BHLHE40: variants seen among roughly 807,000 people sequenced by gnomAD.
The protein encoded by BHLHE40 is basic helix-loop-helix family member e40.
Under a neutral mutation model 35.7 loss-of-function variants are expected in BHLHE40, and 3 were observed. The observed-to-expected ratio is 0.08, with a 90% confidence interval of 0.04 to 0.22. The LOEUF is 0.22. Among genes scored for constraint, BHLHE40 ranks in the 10% least tolerant of loss-of-function variants. BHLHE40 has a pLI of 1.00. For synonymous variants in BHLHE40, 236 were observed against 213.0 expected, an observed-to-expected ratio of 1.11 and a Z score of -0.94; for missense variants, 486 against 524.0, an observed-to-expected ratio of 0.93 and a Z score of 0.71.
chr3:4,982,861 A>C lies in BHLHE40; in HGVS notation c.408A>C (p.Glu136Asp). ...GTGAGCTGTCAGGGAGAAATGTCGAAACAGGTCAAGAGATGTTCTGCTCAG... is the reference window on the plus strand; with the variant it reads ...GTGAGCTGTCAGGGAGAAATGTCGACACAGGTCAAGAGATGTTCTGCTCAG... ...QAGELSGRNV[E>D]TGQEMFCSGF... Residue 136 changes from glutamate (E) to aspartate (D), a missense_variant, in exon 5 of 5, where the codon GAA (glutamate) becomes GAC (aspartate). Glu to Asp is a conservative substitution (Grantham distance 45). Around this residue, in one of 5 missense-constraint regions of BHLHE40, gnomAD observed 176 missense variants for 180.5 expected, o/e 0.98. Coordinates refer to ENST00000256495, the MANE Select transcript of BHLHE40 (RefSeq NM_003670.3). The C allele has an allele frequency of 6.2e-7, 1 of 1,614,152 alleles. No homozygotes were observed. Among genetic ancestry groups the C allele is most frequent in the Non-Finnish European group, 8.5e-7 (1 of 1,180,030 alleles).
At chr3:4,980,887 T>A (rs1418138998) in intron 3 of BHLHE40, among the ~76,000 whole-genome samples, 12 of 142,616 alleles carry the variant, frequency 8.4e-5, no homozygotes, top group African/African-American at 1.6e-4. Context: ...AAAAAAAAAA[T>A]AGTATTTCGG....
chr3:4,983,267 G>A lies in BHLHE40; in HGVS notation c.814G>A (p.Gly272Arg). The stretch of plus-strand genomic sequence containing the variant: ...TGACCACGGACGCAGGTTCACGATG[G>A]GAGAAAGGATCGGCGCAATTAAGCA... ...KSDHGRRFTM[G>R]ERIGAIKQES... is the part of the protein sequence containing the mutation. Residue 272 changes from glycine to arginine, a missense_variant, in exon 5 of 5, where the codon GGA becomes AGA. Physicochemically the swap from Gly to Arg is moderately radical, Grantham distance 125. Coordinates refer to ENST00000256495, the MANE Select transcript of BHLHE40 (RefSeq NM_003670.3). This position sits in a 1 kb window ranked among gnomAD's most constrained non-coding sequence, Gnocchi z 5.0. The A allele has an allele frequency of 1.9e-6, 3 of 1,614,186 alleles. No homozygotes were observed. Among genetic ancestry groups the A allele is most frequent in the Non-Finnish European group, 2.5e-6 (3 of 1,180,040 alleles).
At position 4,983,596 on chromosome 3, in the gene BHLHE40, C is replaced by G. The variant is rs2053221020; in HGVS notation, c.1143C>G (p.Leu381=). The change falls in exon 5 of 5, where the codon CTC becomes CTG. Residue 381 remains leucine, a synonymous_variant. Coordinates refer to ENST00000256495, the MANE Select transcript of BHLHE40 (RefSeq NM_003670.3). The surrounding 1 kb of genome is among the most constrained non-coding windows in gnomAD (Gnocchi z 5.0). Reference sequence around the variant, plus strand: ...CTCCCTTGCTCATGCCCCAGAGACTCCCTTCTCCCTTGCCAGCTCATCCGT... The same window carrying G: ...CTCCCTTGCTCATGCCCCAGAGACTGCCTTCTCCCTTGCCAGCTCATCCGT... The part of the protein sequence containing the change: ...ISAPLLMPQR[L]PSPLPAHPSV... 1 of 1,614,224 alleles carries G rather than the reference C, an allele frequency of 6.2e-7. No homozygotes were observed.
chr3:4,981,379 CT>C lies in BHLHE40; in HGVS notation c.259-9del. ...TCTGACCTCACCGCTGACTAAGGCT[CT>C]TTTCCTTCCAGACTTTGGGTCACTT... On this transcript the variant is annotated splice_polypyrimidine_tract_variant and intron_variant, in intron 3 of 4. Coordinates refer to ENST00000256495, the MANE Select transcript of BHLHE40 (RefSeq NM_003670.3). 1 of 1,613,458 alleles carries C rather than the reference CT, an allele frequency of 6.2e-7. No individual in the cohort carries two copies. Among genetic ancestry groups the C allele is most frequent in the East Asian group, 2.2e-5 (1 of 44,836 alleles).
In BHLHE40 at chr3:4,983,829, G is replaced by GGGGTGT. The variant is rs139879256; in HGVS notation, c.*138_*139insGGTGTG. Reference sequence around the variant, plus strand: ...TCTGAGGCATGGAGAGCAGATTCAGGGTGTGTGTGTGTGTGTGTGTGTGTG... The same window carrying GGGGTGT: ...TCTGAGGCATGGAGAGCAGATTCAGGGGGTGTGTGTGTGTGTGTGTGTGTGTGTGTG... On this transcript the variant is annotated 3_prime_UTR_variant, in exon 5 of 5. Transcript: ENST00000256495. The surrounding 1 kb of genome is among the most constrained non-coding windows in gnomAD (Gnocchi z 5.0). The GGGGTGT allele has an allele frequency of 2.1e-4, 150 of 698,688 alleles. No homozygotes were observed. Among genetic ancestry groups the GGGGTGT allele is most frequent in the Middle Eastern group, 3.9e-4 (1 of 2,572 alleles). 43.3% of individuals were successfully genotyped at this position (698,688 alleles called of 1,614,324 possible). A position where few individuals can be genotyped will look rare whatever the true frequency, so the allele number is the denominator to read the frequency against.
At chr3:4,981,291 T>C in intron 3 of BHLHE40, 101 bp from the exon 4 acceptor site, 1 of 1,438,692 alleles carries the variant, frequency 7.0e-7, no homozygotes, top group South Asian at 1.3e-5. Flanking sequence ...GGAAACACTA[T>C]TCCACTTTTT....
intron 4 of BHLHE40, 107 bp from the exon 5 acceptor site, chr3:4,982,729 C>T: frequency 2.5e-6 from 2 of 797,844 alleles, no homozygotes; most frequent in Admixed American, 3.0e-5. Flanking sequence ...TCAGTAAATG[C>T]ATTTTTTTTT....
intron 2 of BHLHE40, 103 bp downstream of exon 2, chr3:4,980,134 G>A: frequency 7.9e-7 from 1 of 1,271,214 alleles, no homozygotes; most frequent in Non-Finnish European, 1.1e-6. Context: ...GATGCAGGGT[G>A]TGGGCTCGGT....
At chr3:4,980,148 T>C in intron 2 of BHLHE40, 117 bp downstream of exon 2, 1 of 1,196,744 alleles carries the variant, frequency 8.4e-7, no homozygotes, top group Non-Finnish European at 1.2e-6. Context: ...GCTCGGTGCC[T>C]CTTCTGAGTG....
In BHLHE40 at chr3:4,981,304, T is replaced by C. The variant is rs182725471; in HGVS notation, c.259-88T>C. On this transcript the variant is annotated intron_variant, in intron 3 of 4. Transcript: ENST00000256495. ...CAGGAAACACTATTCCACTTTTTTT[T>C]TTCTTTTCTCATTTCTCATTGCTAA... The C allele has an allele frequency of 4.3e-4, 651 of 1,506,622 alleles. 5 individuals are homozygous for C. The African/African-American group carries it at 8.3e-3, about 19-fold the overall frequency. The allele number at this position is 1,506,622 out of a possible 1,614,324, so 93.3% of individuals were successfully genotyped here.
intron 1 of BHLHE40, 81 bp from the exon 2 acceptor site, chr3:4,979,881 G>T (rs1431866055): frequency 1.9e-6 from 3 of 1,606,300 alleles, no homozygotes; most frequent in African/African-American, 1.3e-5. Context: ...AGCTCCGGGC[G>T]CACCGGGAGG....
intron 3 of BHLHE40, among the ~76,000 whole-genome samples, chr3:4,981,179 TATATATACAC>T (rs2053191860): frequency 9.2e-5 from 1 of 10,882 alleles, no homozygotes; most frequent in Admixed American, 1.3e-3. Flanking sequence ...ATATATTATA[TATATATACAC>T]ACACACACAC....
chr3:4,979,778 G>A lies in BHLHE40; in HGVS notation c.60G>A (p.Leu20=). 6.3e-7 allele frequency: 1 copy of A among 1,590,018 alleles called. No individual in the cohort carries two copies. The highest frequency in any genetic ancestry group is 8.6e-7 in the Non-Finnish European group (1 of 1,168,168). Residue 20 remains leucine (L), a synonymous_variant, in exon 1 of 5, where the codon CTG becomes CTA. Transcript: ENST00000256495. ...PPACLPKAPG[L]EHGDLPGMYP... is the part of the protein sequence containing the mutation. ...CCTGCCTGCCCAAAGCACCGGGACT[G>A]GAGCACGGAGACCTACCAGGGTAAG...
At chr3:4,979,825 A>G (rs1018013868) in intron 1 of BHLHE40, 27 bp downstream of exon 1, 3 of 1,590,608 alleles carry the variant, frequency 1.9e-6, no homozygotes, top group South Asian at 1.1e-5. Context: ...TGGCCCTTCA[A>G]GCCTCAACTG....
intron 2 of BHLHE40, 120 bp downstream of exon 2, chr3:4,980,151 T>G: frequency 1.7e-6 from 2 of 1,180,412 alleles, no homozygotes; most frequent in East Asian, 4.8e-5. Flanking sequence ...CGGTGCCTCT[T>G]CTGAGTGACT....
Position 4,980,018 on chromosome 3 carries a change from G to T in BHLHE40, c.137G>T (p.Ser46Ile), listed in dbSNP as rs1439729943. 6.2e-7 allele frequency: 1 copy of T among 1,614,164 alleles called. No individual in the cohort carries two copies. Among genetic ancestry groups the T allele is most frequent in the Non-Finnish European group, 8.5e-7 (1 of 1,180,022 alleles). Residue 46 changes from serine to isoleucine, a missense_variant, in exon 2 of 5, where the codon AGC (serine) becomes ATC (isoleucine). Ser to Ile is a moderately radical substitution (Grantham distance 142, BLOSUM62 -2). Coordinates refer to ENST00000256495, the MANE Select transcript of BHLHE40 (RefSeq NM_003670.3). ...AAGTCAAGACGGGGAATAAAGCGGA[G>T]CGAGGACAGCAAGGTAAGCAAGTGC... ...VYKSRRGIKR[S>I]EDSKETYKLP...
At position 4,985,034 on chromosome 3, in the gene BHLHE40, T is replaced by C. The variant is rs1359137610; in HGVS notation, c.*1342T>C. 6.6e-6 allele frequency: 1 copy of C among 150,966 alleles called. No homozygotes were observed. Among genetic ancestry groups the C allele is most frequent in the African/African-American group, 2.4e-5 (1 of 41,048 alleles). 9.4% of individuals were successfully genotyped at this position (150,966 alleles called of 1,614,324 possible). On this transcript the variant is annotated 3_prime_UTR_variant, in exon 5 of 5. Transcript: ENST00000256495. ...TTCCTGTTTTTGAAGAGAAGAATAA[T>C]TTTTTTTTTCTCTAGGGAGAGGTAC...
intron 3 of BHLHE40, 119 bp from the exon 4 acceptor site, chr3:4,981,273 G>A (rs575066643): frequency 1.6e-5 from 21 of 1,282,366 alleles, no homozygotes; most frequent in Middle Eastern, 2.4e-4. Context: ...ACTTAAAACA[G>A]CCAACCAGGA....
chr3:4,980,607 A>C (rs990060791), intron 3 of BHLHE40, among the ~76,000 whole-genome samples, 199 bp downstream of exon 3: 1 of 151,770 alleles, frequency 6.6e-6, no homozygotes, highest in Non-Finnish European at 1.5e-5. Context: ...AACCACTTGG[A>C]CCTCTCCAAG....
Sources: allele counts gnomAD v4.1 joint callset (sites outside exome capture counted in the v4.1 genomes callset), GRCh38; gene constraint gnomAD v4.1.1; regional missense constraint gnomAD v4.1.1; non-coding constraint Gnocchi (gnomAD v3.1); transcripts MANE v1.5; gene names NCBI Gene and HGNC (gene_info 2026-07-23, HGNC 2026-07-21).